Variants in OSBPL10 observed in about 807,000 individuals in gnomAD.
The protein encoded by OSBPL10 is oxysterol binding protein like 10.
In OSBPL10, 49 loss-of-function variants were observed where a neutral mutation model predicts 81.7. That is an observed-to-expected ratio of 0.60 (90% CI 0.48 to 0.76). The LOEUF is 0.76. Ranked by LOEUF, OSBPL10 falls within the 30% of genes least tolerant of loss-of-function variation. The probability of loss-of-function intolerance (pLI) is 0.00; values close to 1 mark genes in which losing one functional copy is unlikely to be tolerated. For synonymous variants in OSBPL10, 419 were observed against 383.6 expected, an observed-to-expected ratio of 1.09 and a Z score of -1.08; for missense variants, 923 against 987.8, an observed-to-expected ratio of 0.93 and a Z score of 0.88.
intron 3 of OSBPL10, among the ~76,000 whole-genome samples, chr3:31,874,222 C>G (rs1701397586): frequency 6.6e-6 from 1 of 151,740 alleles, no homozygotes; most frequent in East Asian, 1.9e-4. Flanking sequence ...ATTCCCACTC[C>G]CAAAATAAAT....
In OSBPL10 at chr3:31,738,915, T is replaced by TA. The variant is rs757356543; in HGVS notation, c.941-5505dup. ...ATGGGGATGTCATATACATATATAT[T>TA]AAAAAAAAAACTGGTAGTAAGCAAT... On this transcript the variant is annotated intron_variant, in intron 5 of 11. Coordinates refer to ENST00000396556, the MANE Select transcript of OSBPL10 (RefSeq NM_017784.5). 5.8e-3 allele frequency among the ~76,000 whole-genome samples: 866 copies of TA among 148,772 alleles called. 5 individuals are homozygous for TA. The highest frequency in any genetic ancestry group is 9.0e-3 in the Non-Finnish European group (605 of 67,040).
At chr3:31,745,929 T>A (rs1299020830) in intron 5 of OSBPL10, among the ~76,000 whole-genome samples, 1 of 152,178 alleles carries the variant, frequency 6.6e-6, no homozygotes, top group Non-Finnish European at 1.5e-5. Flanking sequence ...ATATAAAGAC[T>A]ATCACTCATA....
intron 1 of OSBPL10, among the ~76,000 whole-genome samples, chr3:31,952,606 T>C (rs972068361): frequency 1.4e-4 from 22 of 152,280 alleles, no homozygotes; most frequent in African/African-American, 5.1e-4. Flanking sequence ...GGGATGATCA[T>C]ACTACTATGT....
chr3:31,760,726 TACA>T (rs1185139085), intron 4 of OSBPL10, among the ~76,000 whole-genome samples: 1 of 152,234 alleles, frequency 6.6e-6, no homozygotes. Context: ...TAATCATGTT[TACA>T]ACCTTTTTAA....
At chr3:31,687,437 C>T (rs2125557395) in intron 7 of OSBPL10, among the ~76,000 whole-genome samples, 1 of 151,874 alleles carries the variant, frequency 6.6e-6, no homozygotes, top group South Asian at 2.1e-4. Flanking sequence ...CTAATTTAGT[C>T]AGCATTTCTG....
intron 2 of OSBPL10, among the ~76,000 whole-genome samples, chr3:32,029,761 T>G (rs575335952): frequency 1.9e-4 from 29 of 152,216 alleles, no homozygotes; most frequent in Non-Finnish European, 5.9e-5. Context: ...GTCCATTCCC[T>G]AGAGGGGAAA....
intron 1 of OSBPL10, among the ~76,000 whole-genome samples, chr3:31,892,386 A>G (rs555429311): frequency 6.6e-6 from 1 of 152,312 alleles, no homozygotes; most frequent in South Asian, 2.1e-4. Flanking sequence ...AACCAGAACT[A>G]CTTTGTAGAA....
intron 2 of OSBPL10, chr3:31,989,322 T>A: frequency 6.2e-7 from 1 of 1,614,182 alleles, no homozygotes; most frequent in Non-Finnish European, 8.5e-7. Flanking sequence ...CGCAAGGCAA[T>A]ACAGAAGTGG....
chr3:31,674,401 T>TA (rs1316850153), intron 8 of OSBPL10, among the ~76,000 whole-genome samples: 1 of 150,770 alleles, frequency 6.6e-6, no homozygotes, highest in East Asian at 2.0e-4. Context: ...AAAAAAATTT[T>TA]AAAAAAAAAT....
At chr3:31,777,912 C>T (rs982335381) in intron 4 of OSBPL10, among the ~76,000 whole-genome samples, 2 of 152,366 alleles carry the variant, frequency 1.3e-5, no homozygotes, top group East Asian at 1.9e-4. Context: ...CTCACAGGGG[C>T]ACTTGGGGAA....
intron 1 of OSBPL10, among the ~76,000 whole-genome samples, chr3:31,940,606 C>T (rs1357737983): frequency 6.6e-6 from 1 of 152,170 alleles, no homozygotes; most frequent in East Asian, 1.9e-4. Flanking sequence ...TCTCTGTACT[C>T]CTTCTTCGTC....
chr3:31,880,738 G>A (rs1043235377), intron 1 of OSBPL10, among the ~76,000 whole-genome samples: 2 of 152,190 alleles, frequency 1.3e-5, no homozygotes, highest in Non-Finnish European at 2.9e-5. Flanking sequence ...TGCTGTTCTT[G>A]CTGTCTGGAG....
chr3:32,074,297 C>T (rs1010152040), intron 1 of OSBPL10, among the ~76,000 whole-genome samples: 45 of 152,144 alleles, frequency 3.0e-4, no homozygotes, highest in Admixed American at 1.9e-3. Flanking sequence ...GTCAATTCCA[C>T]GCCCCCATAT....
intron 6 of OSBPL10, 77 bp downstream of exon 6, chr3:31,733,180 G>A: frequency 6.4e-7 from 1 of 1,550,646 alleles, no homozygotes; most frequent in Non-Finnish European, 8.7e-7. Context: ...AGATGAGCAA[G>A]TTACAAATAT....
chr3:31,733,269 C>T lies in OSBPL10; in HGVS notation c.1083G>A (p.Gln361=). Residue 361 remains glutamine, a synonymous_variant, in exon 6 of 12, where the codon CAG becomes CAA. Coordinates refer to ENST00000396556, the MANE Select transcript of OSBPL10 (RefSeq NM_017784.5). ...ACTGCACGCTTACCTCTGGCTCTGGCTGTGAGGTTTGTTCGTCTTCAGCAG... is the reference window on the plus strand; with the variant it reads ...ACTGCACGCTTACCTCTGGCTCTGGTTGTGAGGTTTGTTCGTCTTCAGCAG... The part of the protein sequence containing the change: ...PNSAEDEQTS[Q]PEPEPNSGSE... 1 of 1,613,172 alleles carries T rather than the reference C, an allele frequency of 6.2e-7. No homozygotes were observed. Among genetic ancestry groups the T allele is most frequent in the Non-Finnish European group, 8.5e-7 (1 of 1,179,842 alleles).
At chr3:32,072,034 C>G (rs181656278) in intron 1 of OSBPL10, among the ~76,000 whole-genome samples, 9 of 152,296 alleles carry the variant, frequency 5.9e-5, no homozygotes, top group East Asian at 1.9e-4. Context: ...ACTCTGCCCC[C>G]CTCTACTACC....
At chr3:32,015,794 A>G (rs1699307934) in intron 2 of OSBPL10, among the ~76,000 whole-genome samples, 1 of 152,240 alleles carries the variant, frequency 6.6e-6, no homozygotes, top group South Asian at 2.1e-4. Context: ...AAGGATATGA[A>G]CAGACACTTC....
intron 5 of OSBPL10, among the ~76,000 whole-genome samples, chr3:31,735,937 T>C (rs1271221076): frequency 2.0e-5 from 3 of 152,124 alleles, no homozygotes; most frequent in Non-Finnish European, 4.4e-5. Context: ...CACAGCAGTG[T>C]CCCCAGAACC....
chr3:31,922,220 C>T (rs1249084562), intron 1 of OSBPL10, among the ~76,000 whole-genome samples: 1 of 152,166 alleles, frequency 6.6e-6, no homozygotes, highest in Non-Finnish European at 1.5e-5. Flanking sequence ...GGTGTAATAT[C>T]GGTTATTAAT....
Sources: gnomAD v4.1 joint callset for allele counts (sites outside exome capture counted in the v4.1 genomes callset) on GRCh38, gnomAD v4.1.1 for gene constraint, MANE v1.5 for transcripts, NCBI Gene and HGNC (gene_info 2026-07-23, HGNC 2026-07-21) for gene names.